The following WASHC2C variants were observed in gnomAD, a reference collection of about 807,000 sequenced individuals.
WASHC2C encodes the protein Vaccinia Penetration Factor.
WASHC2C carries 73 observed loss-of-function variants against 142.2 expected under a neutral mutation model. The ratio of observed to expected loss-of-function variants is 0.51; its 90% CI spans 0.43 to 0.62. The LOEUF is 0.62. Ranked by LOEUF, WASHC2C falls within the 20% of genes least tolerant of loss-of-function variation. The pLI, the probability that WASHC2C is intolerant of heterozygous loss-of-function variation, is 0.00. For missense variants in WASHC2C, 969 were observed against 1,531.7 expected (o/e 0.63, Z 6.13); for synonymous variants, 337 against 565.5 (o/e 0.60, Z 5.73).
Position 45,761,739 on chromosome 10 carries a change from AGTT to A in WASHC2C, c.1636-1648_1636-1646del, listed in dbSNP as rs1273366924. Among the ~76,000 whole-genome samples, 50 of 152,350 alleles carry A rather than the reference AGTT, an allele frequency of 3.3e-4. 1 individual carries two copies. The highest frequency in any genetic ancestry group is 7.8e-4 in the Admixed American group (12 of 15,302). ...TTCTTGCAGTACCAAGAAAGGTATC[AGTT>A]AAGGGTCCGAAACTGTGATGTTGAC... On this transcript the variant is annotated intron_variant, in intron 17 of 30. Coordinates refer to ENST00000623400, the MANE Select transcript of WASHC2C (RefSeq NM_001330074.2).
intron 13 of WASHC2C, among the ~76,000 whole-genome samples, chr10:45,753,686 G>GGAC (rs3039014): frequency 7.3e-6 from 1 of 137,260 alleles, no homozygotes; most frequent in South Asian, 2.5e-4. Context: ...TCACCATGTT[G>GGAC]GACGGTTGGA....
chr10:45,746,689 A>T (rs2052876727), intron 8 of WASHC2C, 42 bp downstream of exon 8: 3 of 1,606,458 alleles, frequency 1.9e-6, no homozygotes, highest in Non-Finnish European at 2.6e-6. Flanking sequence ...TTACATTTTA[A>T]TTGAAGCATA....
At chr10:45,779,864 A>C (rs1425666785) in intron 23 of WASHC2C, among the ~76,000 whole-genome samples, 3 of 152,356 alleles carry the variant, frequency 2.0e-5, no homozygotes, top group Middle Eastern at 3.4e-3. Flanking sequence ...GCTTGCCTGT[A>C]ATCCCAGCTA....
intron 17 of WASHC2C, among the ~76,000 whole-genome samples, 161 bp from the exon 18 acceptor site, chr10:45,763,227 G>A (rs2055361249): frequency 6.6e-6 from 1 of 151,968 alleles, no homozygotes; most frequent in African/African-American, 2.4e-5. Context: ...AGACCCTGAG[G>A]CCTATCCCTT....
intron 23 of WASHC2C, among the ~76,000 whole-genome samples, chr10:45,784,293 C>CGTGT (rs1554889044): frequency 1.4e-4 from 9 of 63,640 alleles, no homozygotes; most frequent in African/African-American, 3.6e-4. Flanking sequence ...TATATATACA[C>CGTGT]ATATATATAT....
At chr10:45,767,366 T>A (rs1270824368) in intron 19 of WASHC2C, among the ~76,000 whole-genome samples, 2 of 148,900 alleles carry the variant, frequency 1.3e-5, no homozygotes, top group East Asian at 4.0e-4. Flanking sequence ...TTAGAAAGCG[T>A]TTAAGGAATT....
At chr10:45,770,232 C>T (rs184806225) in intron 20 of WASHC2C, among the ~76,000 whole-genome samples, 27 of 132,748 alleles carry the variant, frequency 2.0e-4, no homozygotes, top group East Asian at 9.4e-4. Flanking sequence ...CGGAGCAAGA[C>T]TCCATCTCAA....
At chr10:45,738,904 G>A (rs1452537123) in intron 4 of WASHC2C, among the ~76,000 whole-genome samples, 2 of 151,978 alleles carry the variant, frequency 1.3e-5, no homozygotes, top group Admixed American at 6.6e-5. Flanking sequence ...ACGGGGTTTC[G>A]CCATGTTGGC....
In WASHC2C at chr10:45,785,512, C is replaced by G. The variant is rs781907646; in HGVS notation, c.2692C>G (p.Gln898Glu). 1.9e-6 allele frequency: 3 copies of G among 1,612,770 alleles called. No homozygotes were observed. The highest frequency in any genetic ancestry group is 2.5e-6 in the Non-Finnish European group (3 of 1,179,666). Residue 898 changes from glutamine (Q) to glutamate (E), a missense_variant, in exon 26 of 31, where the codon CAA (glutamine) becomes GAA (glutamate). Transcript: ENST00000623400. The part of the protein sequence containing the change: ...FSSAKSQPLV[Q>E]EKKRVVKKDH... ...TGGTATTTTTTTTCTTTTGAAGGTA[C>G]AAGAGAAAAAGAGAGTAGTGAAAAA...
chr10:45,749,857 TTATATA>T (rs1199440572), intron 8 of WASHC2C, among the ~76,000 whole-genome samples: 63 of 88,814 alleles, frequency 7.1e-4, no homozygotes, highest in Non-Finnish European at 4.1e-4. Context: ...ATATATATAT[TTATATA>T]TATATATATT....
At position 45,769,375 on chromosome 10, in the gene WASHC2C, C is replaced by T. The variant is rs2056334323; in HGVS notation, c.1870-74C>T. 3.3e-6 allele frequency: 5 copies of T among 1,495,590 alleles called. No homozygotes were observed. The Admixed American group carries it at 8.0e-5, about 24-fold the overall frequency. The allele number at this position is 1,495,590 out of a possible 1,614,324, so 92.6% of individuals were successfully genotyped here. ...TCTCGTGATTCACCCGCCTCGGCCTCCCAAAGTGCTGGGATTATAGGTATG... is the reference window on the plus strand; with the variant it reads ...TCTCGTGATTCACCCGCCTCGGCCTTCCAAAGTGCTGGGATTATAGGTATG... On this transcript the variant is annotated intron_variant, in intron 19 of 30. Transcript: ENST00000623400.
Position 45,728,948 on chromosome 10 carries a change from A to G in WASHC2C, c.213A>G (p.Glu71=). The part of the protein sequence containing the change: ...IKKQVDGLIR[E]TKATDCRLHN... ...AACAAGTGGACGGACTAATCCGGGA[A>G]ACCAAAGCCACAGATTGTCGCCTGC... The change falls in exon 3 of 31, where the codon GAA becomes GAG. Residue 71 remains glutamate, a synonymous_variant. Transcript: ENST00000623400. 1.2e-6 allele frequency: 2 copies of G among 1,614,010 alleles called. No homozygotes were observed. Among genetic ancestry groups the G allele is most frequent in the Non-Finnish European group, 1.7e-6 (2 of 1,179,874 alleles).
rs782314462 is a variant in WASHC2C, at chr10:45,787,058, G to A, written c.2898G>A (p.Ala966=). Residue 966 remains alanine, a synonymous_variant, in exon 28 of 31, where the codon GCG becomes GCA. Coordinates refer to ENST00000623400, the MANE Select transcript of WASHC2C (RefSeq NM_001330074.2). The stretch of plus-strand genomic sequence containing the variant: ...AGGCAAATTTAGCGATCAACCCAGC[G>A]GCCTTGCTGCCCACAGCGGCTTCCC... ...KIQANLAINP[A]ALLPTAASQI... The A allele has an allele frequency of 1.5e-5, 24 of 1,609,422 alleles. No individual in the cohort carries two copies. The highest frequency in any genetic ancestry group is 3.3e-5 in the Admixed American group (2 of 59,708).
chr10:45,784,966 C>G, intron 25 of WASHC2C, 65 bp downstream of exon 25: 19 of 1,610,760 alleles, frequency 1.2e-5, no homozygotes, highest in Non-Finnish European at 1.6e-5. Flanking sequence ...AAACTAACGT[C>G]CAGTTAGATG....
Position 45,755,027 on chromosome 10 carries a change from T to A in WASHC2C, c.1332T>A (p.Gly444=), listed in dbSNP as rs1156775454. Residue 444 remains glycine, a synonymous_variant, in exon 15 of 31, where the codon GGT becomes GGA. Coordinates refer to ENST00000623400, the MANE Select transcript of WASHC2C (RefSeq NM_001330074.2). ...CCACTCCAAGGAAAAGCCCCTATGGTCCCCCTCCCACTGGCCTCTTTGATG... is the reference window on the plus strand; with the variant it reads ...CCACTCCAAGGAAAAGCCCCTATGGACCCCCTCCCACTGGCCTCTTTGATG... ...EQPTPRKSPY[G]PPPTGLFDDD... The A allele has an allele frequency of 1.2e-6, 2 of 1,610,596 alleles. No homozygotes were observed. The highest frequency in any genetic ancestry group is 2.7e-5 in the African/African-American group (2 of 74,634).
In WASHC2C at chr10:45,739,607, G is replaced by GTAT. The variant is rs782130395; in HGVS notation, c.355-465_355-464insATT. Among the ~76,000 whole-genome samples the GTAT allele has an allele frequency of 3.1e-3, 443 of 142,856 alleles. 3 individuals are homozygous for GTAT. Among genetic ancestry groups the GTAT allele is most frequent in the African/African-American group, 9.8e-3 (383 of 39,098 alleles). 93.7% of individuals were successfully genotyped at this position (142,856 alleles called of 152,430 possible). On this transcript the variant is annotated intron_variant, in intron 4 of 30. Coordinates refer to ENST00000623400, the MANE Select transcript of WASHC2C (RefSeq NM_001330074.2). Reference sequence around the variant, plus strand: ...TTTATAAAATAATTGTAATTGTCCAGTTTTTTTTTTTTTTGTCTCTTTAAA... The same window carrying GTAT: ...TTTATAAAATAATTGTAATTGTCCAGTATTTTTTTTTTTTTTTGTCTCTTTAAA...
At chr10:45,748,067 T>G (rs2053068637) in intron 8 of WASHC2C, among the ~76,000 whole-genome samples, 1 of 125,078 alleles carries the variant, frequency 8.0e-6, no homozygotes, top group East Asian at 2.2e-4. Flanking sequence ...GTTAAAAATT[T>G]GCATTTAAAT....
chr10:45,781,582 A>T (rs1237585839), intron 23 of WASHC2C, among the ~76,000 whole-genome samples: 1 of 152,222 alleles, frequency 6.6e-6, no homozygotes, highest in Admixed American at 6.5e-5. Flanking sequence ...AAGATATTTC[A>T]GTGGGGACAG....
intron 3 of WASHC2C, among the ~76,000 whole-genome samples, chr10:45,729,322 G>A (rs2050270482): frequency 6.6e-6 from 1 of 152,208 alleles, no homozygotes; most frequent in South Asian, 2.1e-4. Context: ...CACTGCCTTT[G>A]TTGTGGCGTG....
Sources: allele counts gnomAD v4.1 joint callset (sites outside exome capture counted in the v4.1 genomes callset), GRCh38; gene constraint gnomAD v4.1.1; transcripts MANE v1.5; gene names NCBI Gene and HGNC (gene_info 2026-07-23, HGNC 2026-07-21).